FAXC: variants seen among roughly 807,000 people sequenced by gnomAD.
FAXC encodes the protein failed axon connections homolog, metaxin like GST domain containing, also known as failed axon connections homolog.
FAXC carries 10 observed loss-of-function variants against 41.9 expected under a neutral mutation model. The observed-to-expected ratio is 0.24, with a 90% CI of 0.15 to 0.41. FAXC has a LOEUF of 0.41. Among genes scored for constraint, FAXC ranks in the 10% least tolerant of loss-of-function variants. The pLI is 1.00. For missense variants in FAXC, 399 were observed against 510.9 expected (o/e 0.78, Z 2.11); for synonymous variants, 183 against 183.8 (o/e 1.00, Z 0.03).
intron 5 of FAXC, among the ~76,000 whole-genome samples, chr6:99,285,248 A>C (rs1290396807): frequency 4.6e-5 from 7 of 152,230 alleles, no homozygotes; most frequent in Admixed American, 2.0e-4. Flanking sequence ...ATATATGTAC[A>C]TGGATATCAA....
In FAXC at chr6:99,275,787, G is replaced by A. The variant is rs1335073741; in HGVS notation, c.*5377C>T. The A allele has an allele frequency of 6.6e-6, 1 of 152,174 alleles. No homozygotes were observed. The highest frequency in any genetic ancestry group is 2.4e-5 in the African/African-American group (1 of 41,434). 9.4% of individuals were successfully genotyped at this position (152,174 alleles called of 1,614,324 possible). A position where few individuals can be genotyped will look rare whatever the true frequency, so the allele number is the denominator to read the frequency against. On this transcript the variant is annotated 3_prime_UTR_variant, in exon 6 of 6. Coordinates refer to ENST00000389677, the MANE Select transcript of FAXC (RefSeq NM_032511.4). ...AGGGACCAAAAATCTGAGTTTCTGG[G>A]TAAGGAATTCAGATGAGGAAAACAT... is the stretch of plus-strand genomic sequence containing the variant.
At position 99,297,309 on chromosome 6, in the gene FAXC, G is replaced by A. The variant is rs992800332; in HGVS notation, c.824-5489C>T. Among the ~76,000 whole-genome samples the A allele has an allele frequency of 3.3e-5, 5 of 152,130 alleles. No homozygotes were observed. In the South Asian group the frequency reaches 6.2e-4, roughly 19 times the overall value. ...CACCCCCACTGAGTACTAACTGAGC[G>A]GATGGCTGGATGAGCAGAGCAGGGA... On this transcript the variant is annotated intron_variant, in intron 4 of 5. Transcript: ENST00000389677.
intron 4 of FAXC, among the ~76,000 whole-genome samples, chr6:99,322,455 T>C (rs910594165): frequency 2.6e-5 from 4 of 152,164 alleles, no homozygotes; most frequent in African/African-American, 9.7e-5. Flanking sequence ...TTCTAAACTC[T>C]ACTTCCTAGC....
At chr6:99,335,642 T>C (rs1023592937) in intron 2 of FAXC, among the ~76,000 whole-genome samples, 4 of 152,218 alleles carry the variant, frequency 2.6e-5, no homozygotes, top group Non-Finnish European at 5.9e-5. Flanking sequence ...GGGATAAATA[T>C]GTCTGCTTTT....
In FAXC at chr6:99,276,520, T is replaced by C. The variant is rs1358179226; in HGVS notation, c.*4644A>G. 6.6e-6 allele frequency: 1 copy of C among 152,182 alleles called. No homozygotes were observed. The highest frequency in any genetic ancestry group is 2.4e-5 in the African/African-American group (1 of 41,428). The allele number at this position is 152,182 out of a possible 1,614,324, so 9.4% of individuals were successfully genotyped here. A position where few individuals can be genotyped will look rare whatever the true frequency, so the allele number is the denominator to read the frequency against. ...AAAATTCCAAACCTCTAAAACAAAA[T>C]TTTCTCAAATAACCTAAGAGCACTT... On this transcript the variant is annotated 3_prime_UTR_variant, in exon 6 of 6. Coordinates refer to ENST00000389677, the MANE Select transcript of FAXC (RefSeq NM_032511.4).
chr6:99,343,558 A>C (rs1773496137), intron 1 of FAXC, among the ~76,000 whole-genome samples: 1 of 152,196 alleles, frequency 6.6e-6, no homozygotes, highest in Non-Finnish European at 1.5e-5. Flanking sequence ...ACAGAGGATT[A>C]ACTTGCCCAA....
chr6:99,280,917 A>G lies in FAXC; in HGVS notation c.*247T>C, dbSNP rs1770806100. On this transcript the variant is annotated 3_prime_UTR_variant, in exon 6 of 6. Transcript: ENST00000389677. ...AATATTATTAATAGTTTTCTAATGA[A>G]AACAAAAATGGATTTCAGGAACCAT... The G allele has an allele frequency of 2.4e-6, 1 of 424,972 alleles. No homozygotes were observed. The highest frequency in any genetic ancestry group is 4.3e-6 in the Non-Finnish European group (1 of 234,178). 26.3% of individuals were successfully genotyped at this position (424,972 alleles called of 1,614,324 possible). A position where few individuals can be genotyped will look rare whatever the true frequency, so the allele number is the denominator to read the frequency against.
Position 99,280,963 on chromosome 6 carries a change from G to T in FAXC, c.*201C>A. The T allele has an allele frequency of 3.8e-6, 2 of 530,028 alleles. No individual in the cohort carries two copies. Among genetic ancestry groups the T allele is most frequent in the Non-Finnish European group, 6.7e-6 (2 of 297,358 alleles). 32.8% of individuals were successfully genotyped at this position (530,028 alleles called of 1,614,324 possible). ...ACCATGCTGACATTATTTTTTGCCT[G>T]TTTGTTTTCAATGGAGTCATCTGAA... On this transcript the variant is annotated 3_prime_UTR_variant, in exon 6 of 6. Transcript: ENST00000389677.
At chr6:99,300,522 T>C (rs925342870) in intron 4 of FAXC, among the ~76,000 whole-genome samples, 3 of 152,230 alleles carry the variant, frequency 2.0e-5, no homozygotes, top group Non-Finnish European at 4.4e-5. Context: ...GTTCTCTCCC[T>C]TCTTGAAGCT....
upstream of FAXC, chr6:99,350,051 C>T (rs1441484368): frequency 6.6e-6 from 1 of 152,298 alleles, no homozygotes; most frequent in African/African-American, 2.4e-5. Context: ...GGAGACGCCA[C>T]CAGGCGGGGG....
chr6:99,313,228 G>C (rs573498281), intron 4 of FAXC, among the ~76,000 whole-genome samples: 38 of 152,346 alleles, frequency 2.5e-4, no homozygotes, highest in Admixed American at 1.0e-3. Context: ...AGGAGATCAA[G>C]GCTTCAGTGA....
intron 4 of FAXC, among the ~76,000 whole-genome samples, chr6:99,298,564 G>C (rs1439873833): frequency 1.3e-5 from 2 of 152,112 alleles, no homozygotes; most frequent in Non-Finnish European, 2.9e-5. Flanking sequence ...CCATCTTGCA[G>C]TCTTACCTAC....
Position 99,284,559 on chromosome 6 carries a change from C to CTGTGTGTGTGTGTG in FAXC, c.941-3120_941-3107dup, listed in dbSNP as rs74553398. The stretch of plus-strand genomic sequence containing the variant: ...AGCAGAAACAGGTTGTGTGGAGTGT[C>CTGTGTGTGTGTGTG]TGTGTGTGTGTGTGTGTGTGTGTGT... On this transcript the variant is annotated intron_variant, in intron 5 of 5. Transcript: ENST00000389677. Among the ~76,000 whole-genome samples the CTGTGTGTGTGTGTG allele has an allele frequency of 1.3e-4, 15 of 118,914 alleles. No homozygotes were observed. In the East Asian group the frequency reaches 1.8e-3, roughly 14 times the overall value. The allele number at this position is 118,914 out of a possible 152,430, so 78.0% of individuals were successfully genotyped here.
Position 99,281,211 on chromosome 6 carries a change from A to T in FAXC, c.1183T>A (p.Ser395Thr), listed in dbSNP as rs1442870331. 15 of 1,592,558 alleles carry T rather than the reference A, an allele frequency of 9.4e-6. No homozygotes were observed. The highest frequency in any genetic ancestry group is 1.2e-5 in the Non-Finnish European group (14 of 1,160,360). The stretch of plus-strand genomic sequence containing the variant: ...GTATAGTCATCCATGTCCACATCCG[A>T]ATCAAAGAGTGAGTGTCCAGTAAAA... Reference protein sequence around the residue: ...TDFTGHSLFDSDVDMDDYTDH... With the variant: ...TDFTGHSLFDTDVDMDDYTDH... The change falls in exon 6 of 6, where the codon TCG becomes ACG. Residue 395 changes from serine to threonine, a missense_variant. Physicochemically the swap from Ser to Thr is moderately conservative, Grantham distance 58. Coordinates refer to ENST00000389677, the MANE Select transcript of FAXC (RefSeq NM_032511.4).
At position 99,323,253 on chromosome 6, in the gene FAXC, C is replaced by A. The variant is rs562406878; in HGVS notation, c.823+191G>T. ...TCACCATGCTAAAAACAGTCAAGTA[C>A]CAGTGATTAAGTAGAAAGACACATG... On this transcript the variant is annotated intron_variant, in intron 4 of 5. Coordinates refer to ENST00000389677, the MANE Select transcript of FAXC (RefSeq NM_032511.4). 4.6e-5 allele frequency among the ~76,000 whole-genome samples: 7 copies of A among 152,080 alleles called. No individual in the cohort carries two copies. The South Asian group carries it at 1.5e-3, about 32-fold the overall frequency.
At chr6:99,318,469 T>C (rs1043890600) in intron 4 of FAXC, among the ~76,000 whole-genome samples, 2 of 152,162 alleles carry the variant, frequency 1.3e-5, no homozygotes, top group African/African-American at 4.8e-5. Flanking sequence ...TGGGAAAATA[T>C]ATTTTTTAAA....
intron 4 of FAXC, among the ~76,000 whole-genome samples, chr6:99,296,460 G>A (rs12663371): frequency 0.04 from 6,147 of 152,182 alleles, 172 homozygotes; most frequent in Non-Finnish European, 0.059. Context: ...GCCAGCCTCC[G>A]AGCTCAGAAT....
chr6:99,302,880 T>C (rs1413568280), intron 4 of FAXC, among the ~76,000 whole-genome samples: 4 of 149,426 alleles, frequency 2.7e-5, no homozygotes, highest in Non-Finnish European at 5.9e-5. Flanking sequence ...AATACTTCTG[T>C]ACAAAAAAAA....
At chr6:99,327,102 T>C (rs1405923891) in intron 3 of FAXC, among the ~76,000 whole-genome samples, 1 of 152,186 alleles carries the variant, frequency 6.6e-6, no homozygotes, top group African/African-American at 2.4e-5. Context: ...CTCTTCTCCT[T>C]CTATCTTGCC....
Sources: allele counts gnomAD v4.1 joint callset (sites outside exome capture counted in the v4.1 genomes callset), GRCh38; gene constraint gnomAD v4.1.1; transcripts MANE v1.5; gene names NCBI Gene and HGNC (gene_info 2026-07-23, HGNC 2026-07-21).